The following LDB3 variants were observed in gnomAD, a reference collection of about 807,000 sequenced individuals.
The protein encoded by LDB3 is LIM domain binding 3, also known as LIM domain-binding protein 3.
Under a neutral mutation model 69.0 loss-of-function variants are expected in LDB3, and 49 were observed. That is an observed-to-expected ratio of 0.71 (90% CI 0.56 to 0.90). The LOEUF is 0.90. Among genes scored for constraint, LDB3 ranks in the 40% least tolerant of loss-of-function variants. The pLI, the probability that LDB3 is intolerant of heterozygous loss-of-function variation, is 0.00. For synonymous variants in LDB3, 387 were observed against 396.2 expected (o/e 0.98, Z 0.28); for missense variants, 928 against 974.1 (o/e 0.95, Z 0.63).
At chr10:86,669,235 G>A (rs548085807) in intron 2 of LDB3, among the ~76,000 whole-genome samples, 89 of 152,306 alleles carry the variant, frequency 5.8e-4, no homozygotes, top group African/African-American at 1.8e-3. Context: ...ACAGACAGAC[G>A]GTTGACCTTG....
chr10:86,718,144 G>A lies in LDB3; in HGVS notation c.1857G>A (p.Gly619=). The part of the protein sequence containing the change: ...LCAKCNTKIM[G]EVMHALRQTW... Reference sequence around the variant, plus strand: ...CCAAGTGCAACACCAAAATTATGGGGGTAAGTGGGAGGCCTCCATTTCCTC... The same window carrying A: ...CCAAGTGCAACACCAAAATTATGGGAGTAAGTGGGAGGCCTCCATTTCCTC... Residue 619 remains glycine (G), a splice_region_variant and synonymous_variant, in exon 11 of 14, where the codon GGG becomes GGA. Transcript: ENST00000361373. 4 of 1,614,010 alleles carry A rather than the reference G, an allele frequency of 2.5e-6. No homozygotes were observed. Among genetic ancestry groups the A allele is most frequent in the Non-Finnish European group, 3.4e-6 (4 of 1,179,916 alleles).
intron 2 of LDB3, among the ~76,000 whole-genome samples, chr10:86,676,695 G>T (rs1481849884): frequency 6.6e-6 from 1 of 152,264 alleles, no homozygotes; most frequent in African/African-American, 2.4e-5. Flanking sequence ...GTGTAGGGCA[G>T]TGTTTCCGTG....
rs1480550048 is a variant in LDB3, at chr10:86,718,058, G to A, written c.1771G>A (p.Glu591Lys). ...KTSLADVCFV[E>K]EQNNVYCERC... The stretch of plus-strand genomic sequence containing the variant: ...TTCCCTGGCAGATGTGTGCTTTGTG[G>A]AAGAGCAGAACAACGTTTACTGTGA... The change falls in exon 11 of 14, where the codon GAA becomes AAA. Residue 591 changes from glutamate to lysine, a missense_variant. By Grantham distance (56) the Glu-to-Lys change is moderately conservative. Coordinates refer to ENST00000361373, the MANE Select transcript of LDB3 (RefSeq NM_007078.3). The A allele has an allele frequency of 1.7e-5, 28 of 1,614,170 alleles. No individual in the cohort carries two copies. The highest frequency in any genetic ancestry group is 2.4e-5 in the Non-Finnish European group (28 of 1,180,034).
intron 2 of LDB3, among the ~76,000 whole-genome samples, chr10:86,670,482 C>T (rs979380526): frequency 6.6e-6 from 1 of 152,282 alleles, no homozygotes; most frequent in Non-Finnish European, 1.5e-5. Context: ...CTCGAGGCCT[C>T]CTGCTGGTGC....
intron 10 of LDB3, among the ~76,000 whole-genome samples, chr10:86,717,575 T>G (rs1846923347): frequency 1.3e-5 from 2 of 152,208 alleles, no homozygotes; most frequent in African/African-American, 4.8e-5. Flanking sequence ...TGCGTAGGAT[T>G]GTTGTGAGAA....
At chr10:86,679,766 C>T (rs1466249311) in intron 3 of LDB3, among the ~76,000 whole-genome samples, 3 of 152,252 alleles carry the variant, frequency 2.0e-5, no homozygotes, top group Non-Finnish European at 4.4e-5. Flanking sequence ...GCTGCCCGTA[C>T]GTGGGCCATT....
At position 86,699,146 on chromosome 10, in the gene LDB3, T is replaced by A; in HGVS notation, c.896+6575T>A. On this transcript the variant is annotated intron_variant, in intron 7 of 13. Transcript: ENST00000361373. This position sits in a 1 kb window ranked among gnomAD's most constrained non-coding sequence, Gnocchi z 4.9. ...AGCCCGTTCCCTCCCTCCCATGCCCTCTGCCCCACCTGTTAGACAGGGGAA... is the reference window on the plus strand; with the variant it reads ...AGCCCGTTCCCTCCCTCCCATGCCCACTGCCCCACCTGTTAGACAGGGGAA... 12 of 1,000,608 alleles carry A rather than the reference T, an allele frequency of 1.2e-5. No homozygotes were observed. Among genetic ancestry groups the A allele is most frequent in the African/African-American group, 1.6e-5 (1 of 62,576 alleles). 62.0% of individuals were successfully genotyped at this position (1,000,608 alleles called of 1,614,324 possible).
rs2132396540 is a variant in LDB3, at chr10:86,687,066, C to A, written c.690-4830C>A. The A allele has an allele frequency of 6.2e-7, 1 of 1,613,950 alleles. No individual in the cohort carries two copies. Among genetic ancestry groups the A allele is most frequent in the Non-Finnish European group, 8.5e-7 (1 of 1,179,868 alleles). ...TGCCCGTACTCCCGCACCCCTCCCCCAGCGCCGACTACCAGGAACGCTTCA... is the reference window on the plus strand; with the variant it reads ...TGCCCGTACTCCCGCACCCCTCCCCAAGCGCCGACTACCAGGAACGCTTCA... On this transcript the variant is annotated intron_variant, in intron 5 of 13. Transcript: ENST00000361373.
At chr10:86,702,780 A>G (rs907309469) in intron 7 of LDB3, among the ~76,000 whole-genome samples, 1 of 152,152 alleles carries the variant, frequency 6.6e-6, no homozygotes, top group African/African-American at 2.4e-5. Context: ...CTGACCTGGA[A>G]TAAGAGCCCA....
At chr10:86,708,858 G>A (rs1216995792) in intron 8 of LDB3, among the ~76,000 whole-genome samples, 1 of 152,176 alleles carries the variant, frequency 6.6e-6, no homozygotes, top group African/African-American at 2.4e-5. Context: ...TCCCTTCTCA[G>A]AGCCCCAGAG....
At chr10:86,712,816 T>C (rs183334215) in intron 9 of LDB3, among the ~76,000 whole-genome samples, 1 of 152,330 alleles carries the variant, frequency 6.6e-6, no homozygotes, top group African/African-American at 2.4e-5. Context: ...ATCCCAGCAC[T>C]TTGGGAGGCC....
chr10:86,722,766 AC>A (rs925969347), intron 12 of LDB3, among the ~76,000 whole-genome samples: 3 of 149,324 alleles, frequency 2.0e-5, no homozygotes, highest in Non-Finnish European at 4.4e-5. Context: ...GGGGGATTTC[AC>A]CATCTTGGCC....
upstream of LDB3, chr10:86,668,356 G>C: frequency 2.5e-6 from 1 of 404,282 alleles, no homozygotes; most frequent in Non-Finnish European, 4.7e-6. Flanking sequence ...GGGGTGCTGG[G>C]TGCCGGACAC....
chr10:86,677,013 T>C (rs1176559028), intron 2 of LDB3, among the ~76,000 whole-genome samples: 3 of 152,194 alleles, frequency 2.0e-5, no homozygotes, highest in African/African-American at 4.8e-5. Context: ...GGCTTGGTCC[T>C]TGGGTTATAG....
intron 7 of LDB3, among the ~76,000 whole-genome samples, chr10:86,697,612 G>A (rs1168331453): frequency 7.2e-6 from 1 of 139,762 alleles, no homozygotes; most frequent in Non-Finnish European, 1.5e-5. Context: ...GGAGTGCAGT[G>A]GTGCAATCTC....
chr10:86,699,617 A>C lies in LDB3; in HGVS notation c.897-6914A>C. 2 of 1,357,240 alleles carry C rather than the reference A, an allele frequency of 1.5e-6. No individual in the cohort carries two copies. Among genetic ancestry groups the C allele is most frequent in the East Asian group, 3.0e-5 (1 of 33,228 alleles). 84.1% of individuals were successfully genotyped at this position (1,357,240 alleles called of 1,614,324 possible). On this transcript the variant is annotated intron_variant, in intron 7 of 13. Coordinates refer to ENST00000361373, the MANE Select transcript of LDB3 (RefSeq NM_007078.3). The surrounding 1 kb of genome is among the most constrained non-coding windows in gnomAD (Gnocchi z 4.9). ...GGGCAACCCTCGCCACCCCCCAAAT[A>C]GCCCGTAGCCCAATCCCCTGCCCTC...
At chr10:86,667,147 T>C (rs1844215312), upstream of LDB3, among the ~76,000 whole-genome samples, 2 of 152,154 alleles carry the variant, frequency 1.3e-5, no homozygotes, top group Admixed American at 6.5e-5. Context: ...CTTCTTCCAC[T>C]TGATAGTTTT....
intron 9 of LDB3, among the ~76,000 whole-genome samples, chr10:86,715,684 G>T (rs956274335): frequency 6.6e-6 from 1 of 152,128 alleles, no homozygotes; most frequent in Non-Finnish European, 1.5e-5. Context: ...TCACCCTAGA[G>T]TCTCTGCCCA....
Position 86,699,679 on chromosome 10 carries a change from A to G in LDB3, c.897-6852A>G. 1 of 1,242,286 alleles carries G rather than the reference A, an allele frequency of 8.0e-7. No individual in the cohort carries two copies. The highest frequency in any genetic ancestry group is 1.0e-6 in the Non-Finnish European group (1 of 978,938). The allele number at this position is 1,242,286 out of a possible 1,614,324, so 77.0% of individuals were successfully genotyped here. A position where few individuals can be genotyped will look rare whatever the true frequency, so the allele number is the denominator to read the frequency against. ...TTAGCTGTAGACCAGAGAGGGCAGG[A>G]GGGGTTTGCTGGCATAACACCCCAG... On this transcript the variant is annotated intron_variant, in intron 7 of 13. Transcript: ENST00000361373. The surrounding 1 kb of genome is among the most constrained non-coding windows in gnomAD (Gnocchi z 4.9).
Sources: allele counts gnomAD v4.1 joint callset (sites outside exome capture counted in the v4.1 genomes callset), GRCh38; gene constraint gnomAD v4.1.1; non-coding constraint Gnocchi (gnomAD v3.1); transcripts MANE v1.5; gene names NCBI Gene and HGNC (gene_info 2026-07-23, HGNC 2026-07-21).